CNTNAP2: variants seen among roughly 807,000 people sequenced by gnomAD.
CNTNAP2 encodes the protein contactin-associated protein-like 2.
A neutral mutation model predicts 155.2 loss-of-function variants in CNTNAP2; 98 were observed. The ratio of observed to expected loss-of-function variants is 0.63; its 90% CI spans 0.54 to 0.75. CNTNAP2 has a LOEUF of 0.75. Among genes scored for constraint, CNTNAP2 ranks in the 30% least tolerant of loss-of-function variants. The pLI, the probability that CNTNAP2 is intolerant of heterozygous loss-of-function variation, is 0.00. For synonymous variants in CNTNAP2, 651 were observed against 631.2 expected (o/e 1.03, Z -0.47); for missense variants, 1,727 against 1,688.1 (o/e 1.02, Z -0.40).
intron 1 of CNTNAP2, among the ~76,000 whole-genome samples, chr7:146,293,061 A>T (rs1279847948): frequency 6.6e-6 from 1 of 152,180 alleles, no homozygotes; most frequent in Non-Finnish European, 1.5e-5. Flanking sequence ...TGATTTAATT[A>T]TTCAATATTG....
At chr7:146,583,760 G>C (rs1798647338) in intron 1 of CNTNAP2, among the ~76,000 whole-genome samples, 1 of 152,066 alleles carries the variant, frequency 6.6e-6, no homozygotes, top group Admixed American at 6.5e-5. Flanking sequence ...CATGACCTTA[G>C]CTCTATGCTT....
intron 11 of CNTNAP2, among the ~76,000 whole-genome samples, chr7:147,554,820 TTTA>T (rs1445641418): frequency 2.0e-5 from 3 of 152,078 alleles, no homozygotes; most frequent in African/African-American, 7.2e-5. Flanking sequence ...AATAATGTAG[TTTA>T]CTCAGGGTAT....
intron 3 of CNTNAP2, among the ~76,000 whole-genome samples, chr7:146,917,705 C>T (rs564816008): frequency 6.6e-5 from 10 of 152,172 alleles, no homozygotes; most frequent in African/African-American, 2.2e-4. Flanking sequence ...GTGCTATACC[C>T]ATGATGTTGA....
At chr7:146,301,171 G>A (rs1432137221) in intron 1 of CNTNAP2, among the ~76,000 whole-genome samples, 3 of 152,124 alleles carry the variant, frequency 2.0e-5, no homozygotes, top group Non-Finnish European at 2.9e-5. Context: ...AGGGATAGTT[G>A]TGGTAAATTT....
intron 3 of CNTNAP2, among the ~76,000 whole-genome samples, chr7:146,871,051 G>C (rs950678660): frequency 6.6e-6 from 1 of 152,154 alleles, no homozygotes; most frequent in Non-Finnish European, 1.5e-5. Context: ...TTAGAGATCT[G>C]TGTGTGAAAT....
intron 13 of CNTNAP2, among the ~76,000 whole-genome samples, chr7:147,799,825 G>A (rs1049137100): frequency 6.6e-6 from 1 of 152,184 alleles, no homozygotes; most frequent in Admixed American, 6.5e-5. Flanking sequence ...AAGGAAGATT[G>A]GGTCAAGTTA....
At chr7:147,319,713 A>G (rs1476617638) in intron 9 of CNTNAP2, among the ~76,000 whole-genome samples, 1 of 152,140 alleles carries the variant, frequency 6.6e-6, no homozygotes, top group Non-Finnish European at 1.5e-5. Flanking sequence ...CTATATTGAA[A>G]ATATTATAGA....
chr7:147,484,273 C>T (rs1037471421), intron 10 of CNTNAP2, among the ~76,000 whole-genome samples: 7 of 152,040 alleles, frequency 4.6e-5, no homozygotes, highest in African/African-American at 1.4e-4. Flanking sequence ...CAACAAGATG[C>T]TTTTGTTTAT....
intron 15 of CNTNAP2, among the ~76,000 whole-genome samples, chr7:147,978,614 G>T (rs984479188): frequency 2.6e-5 from 4 of 152,038 alleles, no homozygotes; most frequent in Admixed American, 6.6e-5. Flanking sequence ...CTAATTAAGG[G>T]CACCATTAGG....
At chr7:147,862,497 A>G (rs1432637645) in intron 13 of CNTNAP2, among the ~76,000 whole-genome samples, 1 of 152,188 alleles carries the variant, frequency 6.6e-6, no homozygotes, top group Non-Finnish European at 1.5e-5. Flanking sequence ...CTGTGTGACT[A>G]AAGAGGGCAG....
intron 13 of CNTNAP2, among the ~76,000 whole-genome samples, chr7:147,903,067 G>C (rs997243479): frequency 1.3e-5 from 2 of 152,058 alleles, no homozygotes; most frequent in South Asian, 2.1e-4. Context: ...TTCCATAGTG[G>C]TTGTACTAGT....
At chr7:147,654,721 C>A (rs968899634) in intron 13 of CNTNAP2, among the ~76,000 whole-genome samples, 1 of 151,812 alleles carries the variant, frequency 6.6e-6, no homozygotes, top group Non-Finnish European at 1.5e-5. Flanking sequence ...GATGGCAAAT[C>A]CTTACCAGGA....
At chr7:148,160,969 T>G (rs1805522623) in intron 17 of CNTNAP2, among the ~76,000 whole-genome samples, 1 of 152,252 alleles carries the variant, frequency 6.6e-6, no homozygotes, top group Non-Finnish European at 1.5e-5. Context: ...TTCTAATCTC[T>G]TTATTCATTC....
At position 146,382,148 on chromosome 7, in the gene CNTNAP2, T is replaced by A. The variant is rs140047097; in HGVS notation, c.97+265175T>A. Among the ~76,000 whole-genome samples the A allele has an allele frequency of 9.9e-3, 1,512 of 152,224 alleles. 19 individuals carry two copies. The highest frequency in any genetic ancestry group is 0.031 in the African/African-American group (1,284 of 41,534). Reference sequence around the variant, plus strand: ...TGGAAACTTATGACAAAGTAATGCATGAAATAAAGGGTAGACTGAAAGAAT... The same window carrying A: ...TGGAAACTTATGACAAAGTAATGCAAGAAATAAAGGGTAGACTGAAAGAAT... On this transcript the variant is annotated intron_variant, in intron 1 of 23. Coordinates refer to ENST00000361727, the MANE Select transcript of CNTNAP2 (RefSeq NM_014141.6).
At chr7:148,141,820 C>T (rs1386521314) in intron 16 of CNTNAP2, among the ~76,000 whole-genome samples, 4 of 152,120 alleles carry the variant, frequency 2.6e-5, no homozygotes, top group African/African-American at 7.2e-5. Flanking sequence ...GAGAAGTAAA[C>T]GCTCAGCCAC....
At chr7:148,006,978 TCA>T (rs1215091279) in intron 15 of CNTNAP2, among the ~76,000 whole-genome samples, 1 of 152,214 alleles carries the variant, frequency 6.6e-6, no homozygotes, top group African/African-American at 2.4e-5. Flanking sequence ...TTATGAAGAA[TCA>T]TCTGTGCCTC....
chr7:147,556,639 T>A (rs1799956909), intron 11 of CNTNAP2, among the ~76,000 whole-genome samples: 1 of 152,182 alleles, frequency 6.6e-6, no homozygotes, highest in Non-Finnish European at 1.5e-5. Context: ...AGCCCAGGAA[T>A]GTGTGTGGCC....
chr7:146,826,272 A>T (rs1048235508), intron 2 of CNTNAP2, among the ~76,000 whole-genome samples: 6 of 152,116 alleles, frequency 3.9e-5, no homozygotes, highest in African/African-American at 1.4e-4. Flanking sequence ...TGTTTTTTGC[A>T]CAAAATGCTA....
chr7:147,366,206 T>G (rs559782587), intron 9 of CNTNAP2, among the ~76,000 whole-genome samples: 1 of 152,260 alleles, frequency 6.6e-6, no homozygotes, highest in African/African-American at 2.4e-5. Context: ...TTTCCAAAAT[T>G]TTACATAAAG....
Sources: gnomAD v4.1 joint callset for allele counts (sites outside exome capture counted in the v4.1 genomes callset) on GRCh38, gnomAD v4.1.1 for gene constraint, MANE v1.5 for transcripts, NCBI Gene and HGNC (gene_info 2026-07-23, HGNC 2026-07-21) for gene names.